The following WDR27 variants were observed in gnomAD, a reference collection of about 807,000 sequenced individuals.
WDR27 encodes the protein WD repeat domain 27, also known as WD repeat-containing protein 27.
In WDR27, 100 loss-of-function variants were observed where a neutral mutation model predicts 114.4. The ratio of observed to expected loss-of-function variants is 0.87; its 90% confidence interval spans 0.74 to 1.03. WDR27 has a LOEUF of 1.03. WDR27 is among the 50% of genes least tolerant of loss of function. The pLI, the probability that WDR27 is intolerant of heterozygous loss-of-function variation, is 0.00. For missense variants in WDR27, 1,129 were observed against 1,092.9 expected, an observed-to-expected ratio of 1.03 and a Z score of -0.47; for synonymous variants, 449 against 423.1, an observed-to-expected ratio of 1.06 and a Z score of -0.75.
intron 25 of WDR27, among the ~76,000 whole-genome samples, chr6:169,533,079 G>A (rs1584026989): frequency 6.6e-6 from 1 of 152,322 alleles, no homozygotes; most frequent in East Asian, 1.9e-4. Context: ...AAAGAGCTGA[G>A]CAGAAAAGCC....
At chr6:169,430,601 G>C in the WDR27 span, among the ~76,000 whole-genome samples, 2 of 152,204 alleles carry the variant, frequency 1.3e-5, no homozygotes, top group African/African-American at 4.8e-5. Context: ...CAAGGATGAA[G>C]AAGGAAAACA....
At chr6:169,545,959 T>G (rs986063912) in intron 25 of WDR27, among the ~76,000 whole-genome samples, 2 of 151,870 alleles carry the variant, frequency 1.3e-5, no homozygotes, top group African/African-American at 2.4e-5. Flanking sequence ...GTAAGCGATA[T>G]GAACAGATAT....
At chr6:169,700,941 TTTA>T (rs1284862423) in intron 1 of WDR27, among the ~76,000 whole-genome samples, 3 of 152,172 alleles carry the variant, frequency 2.0e-5, no homozygotes, top group African/African-American at 7.2e-5. Context: ...ATAAACTAAA[TTTA>T]TTATTTTAGT....
intron 23 of WDR27, among the ~76,000 whole-genome samples, chr6:169,594,880 T>A (rs1806462521): frequency 6.6e-6 from 1 of 152,230 alleles, no homozygotes; most frequent in South Asian, 2.1e-4. Flanking sequence ...TTTTTTTCCT[T>A]AAACATTGAT....
chr6:169,593,085 T>G (rs1179643056), intron 23 of WDR27, among the ~76,000 whole-genome samples: 1 of 152,250 alleles, frequency 6.6e-6, no homozygotes, highest in Non-Finnish European at 1.5e-5. Context: ...TATTCATAAA[T>G]GAAATATAAC....
chr6:169,445,811 C>T, the WDR27 span, among the ~76,000 whole-genome samples: 1 of 152,216 alleles, frequency 6.6e-6, no homozygotes, highest in Admixed American at 6.5e-5. Flanking sequence ...GCGGTGCTCC[C>T]AGCTCTCGAA....
chr6:169,576,334 C>A (rs185965217), intron 24 of WDR27, among the ~76,000 whole-genome samples: 4 of 152,180 alleles, frequency 2.6e-5, no homozygotes, highest in Non-Finnish European at 5.9e-5. Flanking sequence ...CTTCACCAGT[C>A]GGCCATGCTC....
intron 25 of WDR27, among the ~76,000 whole-genome samples, chr6:169,507,415 GTGTAACTACCCA>G (rs1296096433): frequency 1.5e-4 from 23 of 152,212 alleles, no homozygotes; most frequent in Admixed American, 4.6e-4. Flanking sequence ...GATGTTCTCA[GTGTAACTACCCA>G]TGACACTACT....
rs1280635951 is a variant in WDR27 at position 169,575,517 on chromosome 6, CCAACA to C, written c.2524-2982_2524-2978del. ...TACTGGGAGGTTGGTCTTATCGCTCCCAACACTGATCCTGAGCTGTTGAAGGCAGG... is the reference window on the plus strand; with the variant it reads ...TACTGGGAGGTTGGTCTTATCGCTCCCTGATCCTGAGCTGTTGAAGGCAGG... On this transcript the variant is annotated intron_variant, in intron 24 of 25. Transcript: ENST00000448612. 1.1e-4 allele frequency among the ~76,000 whole-genome samples: 16 copies of C among 152,230 alleles called. No homozygotes were observed. The South Asian group carries it at 3.3e-3, about 32-fold the overall frequency.
At chr6:169,605,545 C>A (rs1177525597) in intron 22 of WDR27, among the ~76,000 whole-genome samples, 1 of 151,442 alleles carries the variant, frequency 6.6e-6, no homozygotes, top group Non-Finnish European at 1.5e-5. Flanking sequence ...CCAAAGCAAT[C>A]CATAGGTACA....
At chr6:169,510,618 C>A (rs564844710) in intron 25 of WDR27, among the ~76,000 whole-genome samples, 1 of 117,356 alleles carries the variant, frequency 8.5e-6, no homozygotes, top group East Asian at 2.6e-4. Context: ...ATATCACACA[C>A]TGGGGACTGT....
At chr6:169,677,262 G>T (rs1239006249) in intron 2 of WDR27, among the ~76,000 whole-genome samples, 1 of 152,248 alleles carries the variant, frequency 6.6e-6, no homozygotes. Flanking sequence ...AGATGGAAAT[G>T]AACTTGCTGG....
intron 25 of WDR27, among the ~76,000 whole-genome samples, chr6:169,487,410 AGAG>A (rs1789079342): frequency 6.6e-6 from 1 of 152,122 alleles, no homozygotes; most frequent in Non-Finnish European, 1.5e-5. Flanking sequence ...CCGTTTGCAA[AGAG>A]GAGGAGTGTC....
At chr6:169,501,435 A>G (rs1791221573) in intron 25 of WDR27, among the ~76,000 whole-genome samples, 1 of 152,244 alleles carries the variant, frequency 6.6e-6, no homozygotes, top group Non-Finnish European at 1.5e-5. Context: ...CCAACCTCAC[A>G]GAGAGAACTA....
chr6:169,481,084 CT>C (rs1424236812), intron 25 of WDR27, among the ~76,000 whole-genome samples: 1 of 150,550 alleles, frequency 6.6e-6, no homozygotes, highest in Non-Finnish European at 1.5e-5. Context: ...ACTTGGAGAA[CT>C]TTTATGTCTA....
chr6:169,587,607 A>G (rs898092389), intron 23 of WDR27, among the ~76,000 whole-genome samples: 1 of 152,176 alleles, frequency 6.6e-6, no homozygotes, highest in Non-Finnish European at 1.5e-5. Context: ...GAACTTTTTA[A>G]GCCAAACCTC....
At chr6:169,660,994 GT>G (rs1825938969) in intron 9 of WDR27, among the ~76,000 whole-genome samples, 1 of 151,158 alleles carries the variant, frequency 6.6e-6, no homozygotes, top group African/African-American at 2.4e-5. Context: ...CTCCGCAGGA[GT>G]GGGGAGCGTG....
At chr6:169,574,926 T>A (rs1802005952) in intron 24 of WDR27, among the ~76,000 whole-genome samples, 1 of 152,170 alleles carries the variant, frequency 6.6e-6, no homozygotes, top group African/African-American at 2.4e-5. Flanking sequence ...ATGCAATCCA[T>A]CGAATCCTGC....
At chr6:169,567,056 C>T (rs865985444) in intron 25 of WDR27, among the ~76,000 whole-genome samples, 40 of 152,312 alleles carry the variant, frequency 2.6e-4, no homozygotes, top group Middle Eastern at 6.8e-3. Context: ...ACGATGTCTG[C>T]GTGCCCCAGA....
Sources: gnomAD v4.1 joint callset for allele counts (sites outside exome capture counted in the v4.1 genomes callset) on GRCh38, gnomAD v4.1.1 for gene constraint, MANE v1.5 for transcripts, NCBI Gene and HGNC (gene_info 2026-07-23, HGNC 2026-07-21) for gene names.